CACNA1D: variants seen among roughly 807,000 people sequenced by gnomAD.
The protein encoded by CACNA1D is calcium voltage-gated channel subunit alpha1 D.
In CACNA1D, 55 loss-of-function variants were observed where a neutral mutation model predicts 257.1. The ratio of observed to expected loss-of-function variants is 0.21; its 90% CI spans 0.17 to 0.27. The LOEUF is 0.27. CACNA1D is among the 10% of genes least tolerant of loss of function. The pLI, the probability that CACNA1D is intolerant of heterozygous loss-of-function variation, is 1.00. For synonymous variants in CACNA1D, 980 were observed against 1,014.9 expected (o/e 0.97, Z 0.65); for missense variants, 1,876 against 2,784.0 (o/e 0.67, Z 7.34).
intron 3 of CACNA1D, among the ~76,000 whole-genome samples, chr3:53,550,877 G>A (rs968162931): frequency 5.3e-5 from 8 of 152,110 alleles, no homozygotes; most frequent in African/African-American, 2.4e-5. Context: ...TTTAACTTGG[G>A]GATGGAAATA....
chr3:53,517,128 G>A (rs771803575), intron 3 of CACNA1D, among the ~76,000 whole-genome samples: 3 of 152,166 alleles, frequency 2.0e-5, no homozygotes, highest in Non-Finnish European at 2.9e-5. Flanking sequence ...ACACATGGGC[G>A]GCATCATCCT....
intron 19 of CACNA1D, among the ~76,000 whole-genome samples, chr3:53,733,310 T>A (rs1193269911): frequency 6.6e-6 from 1 of 152,200 alleles, no homozygotes; most frequent in African/African-American, 2.4e-5. Context: ...TGCTCTGGTG[T>A]TCCATGCTTC....
chr3:53,798,316 T>TGC (rs747399537), intron 40 of CACNA1D, among the ~76,000 whole-genome samples: 3 of 147,912 alleles, frequency 2.0e-5, no homozygotes, highest in Non-Finnish European at 4.5e-5. Flanking sequence ...TGCGTGTGTG[T>TGC]GTGTGTGTGT....
At chr3:53,688,212 G>C (rs924786119) in intron 8 of CACNA1D, among the ~76,000 whole-genome samples, 3 of 152,202 alleles carry the variant, frequency 2.0e-5, no homozygotes, top group Non-Finnish European at 4.4e-5. Flanking sequence ...CTTGGGTGGA[G>C]GTCCGCCCAG....
chr3:53,719,034 TG>T (rs1203055633), intron 10 of CACNA1D, among the ~76,000 whole-genome samples: 1 of 116,470 alleles, frequency 8.6e-6, no homozygotes, highest in Non-Finnish European at 1.8e-5. Context: ...GCGGGGGGGC[TG>T]GGGGGGACCA....
Position 53,626,877 on chromosome 3 carries a change from C to T in CACNA1D, c.484-23902C>T, listed in dbSNP as rs574278752. On this transcript the variant is annotated intron_variant, in intron 3 of 47. Coordinates refer to ENST00000350061, the MANE Select transcript of CACNA1D (RefSeq NM_001128840.3). ...GACTTCCCATTTTCAGTTAACGAAACGTCAGTGTTTTCATCTGATTTAAGA... is the reference window on the plus strand; with the variant it reads ...GACTTCCCATTTTCAGTTAACGAAATGTCAGTGTTTTCATCTGATTTAAGA... Among the ~76,000 whole-genome samples the T allele has an allele frequency of 4.6e-5, 7 of 152,230 alleles. No individual in the cohort carries two copies. The South Asian group carries it at 1.0e-3, about 23-fold the overall frequency.
intron 9 of CACNA1D, among the ~76,000 whole-genome samples, chr3:53,705,918 C>T (rs1053849811): frequency 2.0e-5 from 3 of 152,176 alleles, no homozygotes; most frequent in Non-Finnish European, 4.4e-5. Flanking sequence ...CCACATGGTC[C>T]TCCTCACCAA....
rs767971655 is a variant in CACNA1D, at chr3:53,751,742, G to T, written c.3517-7G>T. On this transcript the variant is annotated splice_polypyrimidine_tract_variant and splice_region_variant and intron_variant, in intron 27 of 47. Transcript: ENST00000350061. This position sits in a 1 kb window ranked among gnomAD's most constrained non-coding sequence, Gnocchi z 4.3. ...AACCCCGTTTCTGCCCTTTTCTGCT[G>T]TTGCAGCGTCAGTGTGTTGAATACG... The T allele has an allele frequency of 6.2e-7, 1 of 1,614,216 alleles. No individual in the cohort carries two copies. Among genetic ancestry groups the T allele is most frequent in the Non-Finnish European group, 8.5e-7 (1 of 1,180,024 alleles).
intron 40 of CACNA1D, chr3:53,796,235 GCAGGGC>G (rs2095507061): frequency 2.1e-5 from 9 of 426,906 alleles, no homozygotes; most frequent in South Asian, 1.5e-4. Flanking sequence ...ACGACTGTGT[GCAGGGC>G]CAGCCTAGGC....
chr3:53,603,864 C>T (rs1423446455), intron 3 of CACNA1D, among the ~76,000 whole-genome samples: 1 of 152,178 alleles, frequency 6.6e-6, no homozygotes, highest in Non-Finnish European at 1.5e-5. Context: ...TTATTTTTTA[C>T]AGAAAGATTT....
At chr3:53,767,929 G>T (rs2095343631) in intron 30 of CACNA1D, among the ~76,000 whole-genome samples, 1 of 152,184 alleles carries the variant, frequency 6.6e-6, no homozygotes. Flanking sequence ...TGTGCTGTTT[G>T]CTCTTTCCTT....
At chr3:53,798,362 C>T (rs866171814) in intron 40 of CACNA1D, among the ~76,000 whole-genome samples, 17 of 152,112 alleles carry the variant, frequency 1.1e-4, no homozygotes, top group South Asian at 2.1e-4. Flanking sequence ...CGTGCACGCA[C>T]GTGTATGCAC....
intron 5 of CACNA1D, among the ~76,000 whole-genome samples, chr3:53,663,314 T>C (rs2094224121): frequency 6.6e-6 from 1 of 152,286 alleles, no homozygotes; most frequent in South Asian, 2.1e-4. Context: ...AGTGAGATGA[T>C]AGCAGAAGAT....
At chr3:53,808,793 C>A in intron 46 of CACNA1D, 23 bp downstream of exon 46, 7 of 1,603,312 alleles carry the variant, frequency 4.4e-6, no homozygotes, top group Non-Finnish European at 5.9e-6. Flanking sequence ...CCTGGCCTTG[C>A]CCCCACACCT....
intron 3 of CACNA1D, among the ~76,000 whole-genome samples, chr3:53,576,389 A>T (rs2093038605): frequency 6.6e-6 from 1 of 152,208 alleles, no homozygotes. Context: ...CAGTCCGTGG[A>T]TGAGAGGATT....
intron 3 of CACNA1D, among the ~76,000 whole-genome samples, chr3:53,580,477 G>A (rs935329575): frequency 2.0e-5 from 3 of 152,206 alleles, no homozygotes; most frequent in Non-Finnish European, 4.4e-5. Context: ...ATCTTGCCTT[G>A]TGCACAGTAG....
At chr3:53,552,769 G>T (rs550312471) in intron 3 of CACNA1D, among the ~76,000 whole-genome samples, 78 of 152,252 alleles carry the variant, frequency 5.1e-4, no homozygotes, top group Non-Finnish European at 9.7e-4. Flanking sequence ...AAGATAACAT[G>T]TTACCACTTT....
In CACNA1D at chr3:53,812,448, T is replaced by C. The variant is rs1217456790; in HGVS notation, c.*1042T>C. On this transcript the variant is annotated 3_prime_UTR_variant, in exon 48 of 48. Transcript: ENST00000350061. ...AATATTTTGAGTCACTATAAACCTA[T>C]CATCTTTCCACAAGATATACCAGAT... 3 of 152,234 alleles carry C rather than the reference T, an allele frequency of 2.0e-5. No individual in the cohort carries two copies. Among genetic ancestry groups the C allele is most frequent in the African/African-American group, 4.8e-5 (2 of 41,462 alleles). The allele number at this position is 152,234 out of a possible 1,614,324, so 9.4% of individuals were successfully genotyped here. A position where few individuals can be genotyped will look rare whatever the true frequency, so the allele number is the denominator to read the frequency against.
chr3:53,629,556 T>A (rs969938716), intron 3 of CACNA1D, among the ~76,000 whole-genome samples: 1 of 152,234 alleles, frequency 6.6e-6, no homozygotes, highest in Non-Finnish European at 1.5e-5. Context: ...ATCAGTCATG[T>A]GTTTCTGCTA....
Sources: allele counts gnomAD v4.1 joint callset (sites outside exome capture counted in the v4.1 genomes callset), GRCh38; gene constraint gnomAD v4.1.1; non-coding constraint Gnocchi (gnomAD v3.1); transcripts MANE v1.5; gene names NCBI Gene and HGNC (gene_info 2026-07-23, HGNC 2026-07-21).